HEG1: variants seen among roughly 807,000 people sequenced by gnomAD.
The protein encoded by HEG1 is protein HEG homolog 1.
A neutral mutation model predicts 125.6 loss-of-function variants in HEG1; 56 were observed. The observed-to-expected ratio is 0.45, with a 90% confidence interval of 0.36 to 0.56. The LOEUF is 0.56. Ranked by LOEUF, HEG1 falls within the 20% of genes least tolerant of loss-of-function variation. The pLI, the probability that HEG1 is intolerant of heterozygous loss-of-function variation, is 0.00. For missense variants in HEG1, 1,523 were observed against 1,670.0 expected (o/e 0.91, Z 1.53); for synonymous variants, 644 against 668.5 (o/e 0.96, Z 0.57).
intron 9 of HEG1, among the ~76,000 whole-genome samples, chr3:125,003,576 G>C (rs1937030599): frequency 1.3e-5 from 2 of 152,210 alleles, no homozygotes; most frequent in Admixed American, 1.3e-4. Context: ...TTGTTTACCT[G>C]GGGGTGCTGG....
At chr3:125,012,239 TTTAC>T (rs1937167873) in intron 6 of HEG1, among the ~76,000 whole-genome samples, 2 of 151,368 alleles carry the variant, frequency 1.3e-5, no homozygotes, top group African/African-American at 4.9e-5. Flanking sequence ...CCTAAGCTTC[TTTAC>T]TTGAGTTTCT....
At chr3:124,986,806 A>C (rs931767956) in intron 14 of HEG1, among the ~76,000 whole-genome samples, 1 of 152,208 alleles carries the variant, frequency 6.6e-6, no homozygotes, top group African/African-American at 2.4e-5. Context: ...AACCCCACAA[A>C]AATAATGGAG....
chr3:125,054,431 T>G (rs954208311), intron 1 of HEG1, among the ~76,000 whole-genome samples: 4 of 152,208 alleles, frequency 2.6e-5, no homozygotes, highest in Non-Finnish European at 4.4e-5. Flanking sequence ...AAATCCAAAC[T>G]TTTTCTTATT....
intron 1 of HEG1, among the ~76,000 whole-genome samples, chr3:125,054,445 C>T (rs1937885677): frequency 2.6e-5 from 4 of 152,200 alleles, no homozygotes; most frequent in South Asian, 4.1e-4. Flanking sequence ...TCTTATTTAA[C>T]TCTAAGAAGC....
chr3:125,026,956 C>T (rs748955986), intron 3 of HEG1, among the ~76,000 whole-genome samples: 9 of 152,080 alleles, frequency 5.9e-5, no homozygotes, highest in Non-Finnish European at 8.8e-5. Context: ...GCTGAGATCG[C>T]GTCACTGTAC....
At chr3:124,980,280 AC>A (rs764977635) in intron 14 of HEG1, among the ~76,000 whole-genome samples, 1 of 151,648 alleles carries the variant, frequency 6.6e-6, no homozygotes, top group Non-Finnish European at 1.5e-5. Flanking sequence ...GCTTTAAAAA[AC>A]CCTCTGTGGC....
intron 15 of HEG1, among the ~76,000 whole-genome samples, chr3:124,975,695 T>C (rs7632190): frequency 0.35 from 53,687 of 152,084 alleles, 10,377 homozygotes; most frequent in African/African-American, 0.51. Context: ...TTCCCCACCA[T>C]TCTGGCCCTA....
intron 11 of HEG1, among the ~76,000 whole-genome samples, chr3:124,999,980 C>T (rs2107695368): frequency 6.6e-6 from 1 of 152,254 alleles, no homozygotes; most frequent in Admixed American, 6.5e-5. Context: ...TCCAGAGTAG[C>T]CCAGCACTGC....
At chr3:125,055,421 C>T (rs566979887) in intron 1 of HEG1, among the ~76,000 whole-genome samples, 154 bp downstream of exon 1, 1 of 152,332 alleles carries the variant, frequency 6.6e-6, no homozygotes, top group African/African-American at 2.4e-5. Flanking sequence ...TCCCTCCCTA[C>T]CCGCCGACCC....
intron 1 of HEG1, among the ~76,000 whole-genome samples, chr3:125,046,763 A>G (rs73189220): frequency 0.12 from 17,851 of 152,242 alleles, 1,175 homozygotes; most frequent in Middle Eastern, 0.22. Context: ...GCTGCAAGAA[A>G]CACAAGGGAG....
At chr3:124,971,194 C>T (rs1262326277) in intron 16 of HEG1, 1 of 458,572 alleles carries the variant, frequency 2.2e-6, no homozygotes, top group Non-Finnish European at 4.4e-6. Context: ...AAAGTAGCAA[C>T]AAAGGTAAAT....
At chr3:125,038,777 C>T (rs1937568563) in intron 1 of HEG1, among the ~76,000 whole-genome samples, 1 of 152,050 alleles carries the variant, frequency 6.6e-6, no homozygotes, top group Admixed American at 6.6e-5. Flanking sequence ...AGAACCTGCT[C>T]TTATTCTTGG....
chr3:125,019,745 T>G, intron 4 of HEG1, 148 bp from the exon 5 acceptor site: 1 of 576,560 alleles, frequency 1.7e-6, no homozygotes, highest in Non-Finnish European at 3.0e-6. Flanking sequence ...TATCATATTC[T>G]AAATAATTAT....
chr3:124,990,886 G>A (rs1936822108), intron 13 of HEG1, 58 bp downstream of exon 13: 22 of 1,552,334 alleles, frequency 1.4e-5, no homozygotes, highest in Non-Finnish European at 1.8e-5. Flanking sequence ...AAATAAGTGA[G>A]GCAATTTATC....
chr3:125,029,309 T>A lies in HEG1; in HGVS notation c.496A>T (p.Thr166Ser), dbSNP rs747359324. 12 of 1,614,010 alleles carry A rather than the reference T, an allele frequency of 7.4e-6. No homozygotes were observed. In the South Asian group the frequency reaches 1.2e-4, roughly 16 times the overall value. The change falls in exon 2 of 17, where the codon ACA becomes TCA. Residue 166 changes from threonine (T) to serine (S), a missense_variant. Coordinates refer to ENST00000311127, the MANE Select transcript of HEG1 (RefSeq NM_020733.2). Reference sequence around the variant, plus strand: ...CCGCTCCTTCCTCTAGCATCTGCTGTTTCAGCGAGTAGAGTGAGGTTTTCT... The same window carrying A: ...CCGCTCCTTCCTCTAGCATCTGCTGATTCAGCGAGTAGAGTGAGGTTTTCT... ...APENLTLLAETADARGRSGSS... is the reference protein window; with the variant it reads ...APENLTLLAESADARGRSGSS...
intron 3 of HEG1, among the ~76,000 whole-genome samples, chr3:125,024,879 A>G (rs969322499): frequency 6.6e-6 from 1 of 152,250 alleles, no homozygotes; most frequent in African/African-American, 2.4e-5. Context: ...TCTCCATGCC[A>G]GGCTCCTAGC....
rs181851899 is a variant in HEG1, at chr3:124,981,942, G to C, written c.3734-3996C>G. On this transcript the variant is annotated intron_variant, in intron 14 of 16. Transcript: ENST00000311127. The stretch of plus-strand genomic sequence containing the variant: ...TTTTTTTTCTTTTTGAGACGGAGTC[G>C]CCCAGGCTGGAGTGCAGTGGCACGA... Among the ~76,000 whole-genome samples, 25 of 150,424 alleles carry C rather than the reference G, an allele frequency of 1.7e-4. No homozygotes were observed. In the East Asian group the frequency reaches 4.9e-3, roughly 29 times the overall value.
intron 14 of HEG1, among the ~76,000 whole-genome samples, chr3:124,981,237 TTTTTTTTTTTAAAG>T (rs1191591444): frequency 8.7e-5 from 13 of 149,866 alleles, no homozygotes; most frequent in African/African-American, 3.2e-4. Context: ...TTTTTCCTTT[TTTTTTTTTTTAAAG>T]TTTTTTTTTT....
chr3:125,004,014 G>A (rs1937036506), intron 9 of HEG1, among the ~76,000 whole-genome samples: 1 of 152,190 alleles, frequency 6.6e-6, no homozygotes, highest in Non-Finnish European at 1.5e-5. Context: ...AGTGATGGTG[G>A]TTTAGTGGAC....
Sources: allele counts gnomAD v4.1 joint callset (sites outside exome capture counted in the v4.1 genomes callset), GRCh38; gene constraint gnomAD v4.1.1; transcripts MANE v1.5; gene names NCBI Gene and HGNC (gene_info 2026-07-23, HGNC 2026-07-21).